Variants in NCOA2 observed in about 807,000 individuals in gnomAD.
NCOA2 encodes the protein class E basic helix-loop-helix protein 75.
NCOA2 carries 21 observed loss-of-function variants against 145.1 expected under a neutral mutation model. That is an observed-to-expected ratio of 0.14 (90% CI 0.10 to 0.21). The LOEUF is 0.21. Ranked by LOEUF, NCOA2 falls within the 10% of genes least tolerant of loss-of-function variation. The pLI is 1.00. For synonymous variants in NCOA2, 619 were observed against 637.5 expected (o/e 0.97, Z 0.44); for missense variants, 1,472 against 1,837.6 (o/e 0.80, Z 3.64).
chr8:70,212,809 C>A (rs893551748), intron 4 of NCOA2, among the ~76,000 whole-genome samples: 1 of 152,078 alleles, frequency 6.6e-6, no homozygotes, highest in African/African-American at 2.4e-5. Flanking sequence ...AGGTCAGGCA[C>A]GGTGGCTCAC....
rs919226539 is a variant in NCOA2 at position 70,304,114 on chromosome 8, C to T, written c.-76-7314G>A. Among the ~76,000 whole-genome samples, 12 of 152,180 alleles carry T rather than the reference C, an allele frequency of 7.9e-5. No individual in the cohort carries two copies. The East Asian group carries it at 1.5e-3, about 20-fold the overall frequency. The stretch of plus-strand genomic sequence containing the variant: ...TTATATCCCTTGGGTACAATACAGA[C>T]GAGCCTATAAAACACTTCAAGATTC... On this transcript the variant is annotated intron_variant, in intron 1 of 22. Coordinates refer to ENST00000452400, the MANE Select transcript of NCOA2 (RefSeq NM_006540.4).
chr8:70,224,771 A>T (rs1314574090), intron 2 of NCOA2, among the ~76,000 whole-genome samples: 1 of 138,126 alleles, frequency 7.2e-6, no homozygotes, highest in Admixed American at 6.8e-5. Flanking sequence ...ATATTTAATT[A>T]ATTTATTATA....
intron 2 of NCOA2, among the ~76,000 whole-genome samples, chr8:70,265,722 T>C (rs1467105408): frequency 6.6e-6 from 1 of 152,234 alleles, no homozygotes; most frequent in Non-Finnish European, 1.5e-5. Context: ...ACGCATAGCC[T>C]CTCTCACTAG....
chr8:70,165,687 C>T (rs868541901), intron 7 of NCOA2, among the ~76,000 whole-genome samples: 1 of 152,178 alleles, frequency 6.6e-6, no homozygotes, highest in African/African-American at 2.4e-5. Context: ...CCTCCATTCC[C>T]CACTCCTGTC....
intron 2 of NCOA2, chr8:70,273,358 T>C (rs1024831347): frequency 5.2e-6 from 3 of 576,932 alleles, no homozygotes; most frequent in Non-Finnish European, 8.5e-6. Context: ...CGCAGCCCCT[T>C]ATCCGCTGCG....
At chr8:70,326,487 A>G (rs949619099) in intron 1 of NCOA2, among the ~76,000 whole-genome samples, 1 of 151,936 alleles carries the variant, frequency 6.6e-6, no homozygotes, top group African/African-American at 2.4e-5. Context: ...ACACACACAC[A>G]CAGCTGTGAT....
At chr8:70,276,536 GT>G (rs1413044979) in intron 2 of NCOA2, among the ~76,000 whole-genome samples, 1 of 152,088 alleles carries the variant, frequency 6.6e-6, no homozygotes, top group Non-Finnish European at 1.5e-5. Flanking sequence ...TTGGGAGGTG[GT>G]TTCCCCCATC....
chr8:70,340,477 T>C (rs184891289), intron 1 of NCOA2, among the ~76,000 whole-genome samples: 1 of 152,258 alleles, frequency 6.6e-6, no homozygotes, highest in African/African-American at 2.4e-5. Context: ...GAAAAAGATA[T>C]GCTTTTACAC....
At chr8:70,324,931 G>T (rs1294053944) in intron 1 of NCOA2, among the ~76,000 whole-genome samples, 1 of 152,080 alleles carries the variant, frequency 6.6e-6, no homozygotes, top group Admixed American at 6.6e-5. Flanking sequence ...TAAAAGAGAG[G>T]AAGAAATATT....
At chr8:70,250,383 A>G (rs544731485) in intron 2 of NCOA2, among the ~76,000 whole-genome samples, 7 of 113,056 alleles carry the variant, frequency 6.2e-5, no homozygotes, top group African/African-American at 2.5e-4. Flanking sequence ...ACAGAGTGAG[A>G]CCCTGTCTCA....
intron 2 of NCOA2, among the ~76,000 whole-genome samples, chr8:70,225,041 G>GGACAT (rs1298535017): frequency 6.6e-6 from 1 of 152,024 alleles, no homozygotes; most frequent in African/African-American, 2.4e-5. Context: ...GGCAGCAAGA[G>GGACAT]GACATGATCT....
chr8:70,231,896 A>T (rs1821174319), intron 2 of NCOA2, among the ~76,000 whole-genome samples: 1 of 152,136 alleles, frequency 6.6e-6, no homozygotes, highest in Non-Finnish European at 1.5e-5. Context: ...ACAGTTACTG[A>T]AGCATTCTGC....
intron 2 of NCOA2, among the ~76,000 whole-genome samples, chr8:70,244,303 C>T (rs1258092676): frequency 6.6e-6 from 1 of 152,074 alleles, no homozygotes; most frequent in Non-Finnish European, 1.5e-5. Flanking sequence ...TTCTGATTAT[C>T]TTTCACCAAT....
At chr8:70,216,366 T>C (rs1447093125) in intron 3 of NCOA2, among the ~76,000 whole-genome samples, 1 of 152,204 alleles carries the variant, frequency 6.6e-6, no homozygotes, top group Admixed American at 6.5e-5. Flanking sequence ...CTTTTTACTA[T>C]AGGATCTTCT....
intron 12 of NCOA2, among the ~76,000 whole-genome samples, chr8:70,147,545 A>T (rs1811241689): frequency 6.6e-6 from 1 of 152,230 alleles, no homozygotes; most frequent in African/African-American, 2.4e-5. Context: ...ATTTTCTTCC[A>T]TTCAAGATTA....
At chr8:70,251,541 C>A (rs1411828903) in intron 2 of NCOA2, among the ~76,000 whole-genome samples, 1 of 152,168 alleles carries the variant, frequency 6.6e-6, no homozygotes, top group Non-Finnish European at 1.5e-5. Context: ...TGTATTTACT[C>A]CTTGAAGTCA....
At chr8:70,315,417 G>A (rs765487023) in intron 1 of NCOA2, among the ~76,000 whole-genome samples, 2 of 152,072 alleles carry the variant, frequency 1.3e-5, no homozygotes, top group East Asian at 1.9e-4. Context: ...TCATGTCCAC[G>A]CCTTCTAAAT....
intron 4 of NCOA2, among the ~76,000 whole-genome samples, chr8:70,175,648 GGTAAA>G (rs1445725057): frequency 6.6e-6 from 1 of 152,128 alleles, no homozygotes. Context: ...CAACGTATGT[GGTAAA>G]GTAGTTATTT....
intron 2 of NCOA2, among the ~76,000 whole-genome samples, chr8:70,226,824 A>T (rs976121235): frequency 1.3e-5 from 2 of 151,932 alleles, no homozygotes; most frequent in African/African-American, 4.8e-5. Context: ...TCTTCTACCA[A>T]CTCTTTCAGA....
Sources: gnomAD v4.1 joint callset for allele counts (sites outside exome capture counted in the v4.1 genomes callset) on GRCh38, gnomAD v4.1.1 for gene constraint, MANE v1.5 for transcripts, NCBI Gene and HGNC (gene_info 2026-07-23, HGNC 2026-07-21) for gene names.